CAMSAP1: variants seen among roughly 807,000 people sequenced by gnomAD.
The protein encoded by CAMSAP1 is calmodulin-regulated spectrin-associated protein 1.
Under a neutral mutation model 143.5 loss-of-function variants are expected in CAMSAP1, and 58 were observed. The observed-to-expected ratio is 0.40, with a 90% CI of 0.33 to 0.50. The LOEUF (loss-of-function observed/expected upper bound fraction) is 0.50. CAMSAP1 is among the 20% of genes least tolerant of loss of function. CAMSAP1 has a pLI of 0.45. For synonymous variants in CAMSAP1, 945 were observed against 859.3 expected (o/e 1.10, Z -1.74); for missense variants, 1,969 against 2,115.7 (o/e 0.93, Z 1.36).
chr9:135,850,292 A>T, intron 6 of CAMSAP1, 30 bp downstream of exon 6: 1 of 1,611,602 alleles, frequency 6.2e-7, no homozygotes, highest in Non-Finnish European at 8.5e-7. Flanking sequence ...ACATGGTTTT[A>T]AAACTGCATG....
chr9:135,865,963 G>A (rs1029652876), intron 4 of CAMSAP1, among the ~76,000 whole-genome samples: 2 of 152,210 alleles, frequency 1.3e-5, no homozygotes, highest in African/African-American at 2.4e-5. Flanking sequence ...GTCAGAGGAA[G>A]AAAAAGGCTA....
intron 1 of CAMSAP1, among the ~76,000 whole-genome samples, chr9:135,894,358 G>A (rs1402722262): frequency 6.6e-6 from 1 of 152,188 alleles, no homozygotes; most frequent in Non-Finnish European, 1.5e-5. Context: ...CCATCCGAGG[G>A]GAGGGGCGGA....
At position 135,821,603 on chromosome 9, in the gene CAMSAP1, A is replaced by G. The variant is rs771271439; in HGVS notation, c.3058T>C (p.Cys1020Arg). 1.2e-6 allele frequency: 2 copies of G among 1,614,030 alleles called. No individual in the cohort carries two copies. Among genetic ancestry groups the G allele is most frequent in the Admixed American group, 1.7e-5 (1 of 60,032 alleles). The change falls in exon 11 of 17, where the codon TGT (cysteine) becomes CGT (arginine). Residue 1020 changes from cysteine to arginine, a missense_variant. Cys to Arg is a radical substitution (Grantham distance 180). This residue lies in a region of CAMSAP1 where 1,390 missense variants were observed against 1,420.8 expected (regional missense o/e 0.98). Coordinates refer to ENST00000389532, the MANE Select transcript of CAMSAP1 (RefSeq NM_015447.4). This position sits in a 1 kb window ranked among gnomAD's most constrained non-coding sequence, Gnocchi z 4.6. ...TVGEVVDVNE[C>R]DLSIEKLNET... Reference sequence around the variant, plus strand: ...TTAAGCTTCTCGATGGAAAGGTCACATTCATTCACGTCGACAACCTCCCCA... The same window carrying G: ...TTAAGCTTCTCGATGGAAAGGTCACGTTCATTCACGTCGACAACCTCCCCA...
rs764016880 is a variant in CAMSAP1 at position 135,818,034 on chromosome 9, G to A, written c.4214C>T (p.Ala1405Val). Reference protein sequence around the residue: ...RTQSGSSLSLASAATTEPESV... With the variant: ...RTQSGSSLSLVSAATTEPESV... ...CTCGGGTTCTGTCGTCGCCGCAGAG[G>A]CCAAGGACAGGCTGGAGCCTGACTG... Residue 1405 changes from alanine (A) to valine (V), a missense_variant, in exon 14 of 17, where the codon GCC becomes GTC. Ala to Val is a moderately conservative substitution (Grantham distance 64). Transcript: ENST00000389532. The surrounding 1 kb of genome is among the most constrained non-coding windows in gnomAD (Gnocchi z 7.7). 3.1e-6 allele frequency: 5 copies of A among 1,613,838 alleles called. No homozygotes were observed. Among genetic ancestry groups the A allele is most frequent in the Non-Finnish European group, 4.2e-6 (5 of 1,179,900 alleles).
At position 135,843,187 on chromosome 9, in the gene CAMSAP1, T is replaced by C. The variant is rs1447914735; in HGVS notation, c.1045+6950A>G. On this transcript the variant is annotated intron_variant, in intron 7 of 16. Coordinates refer to ENST00000389532, the MANE Select transcript of CAMSAP1 (RefSeq NM_015447.4). ...TACTAAAAATACAAAATTAGCCAGG[T>C]GTGGTGGCACAGGCCTGTAATCCCA... Among the ~76,000 whole-genome samples, 6 of 151,848 alleles carry C rather than the reference T, an allele frequency of 4.0e-5. No homozygotes were observed. The East Asian group carries it at 1.2e-3, about 30-fold the overall frequency.
chr9:135,822,667 G>T lies in CAMSAP1; in HGVS notation c.1994C>A (p.Thr665Asn), dbSNP rs779089635. Residue 665 changes from threonine to asparagine, a missense_variant, in exon 11 of 17, where the codon ACC (threonine) becomes AAC (asparagine). This residue lies in a region of CAMSAP1 where 1,390 missense variants were observed against 1,420.8 expected (regional missense o/e 0.98). Transcript: ENST00000389532. The surrounding 1 kb of genome is among the most constrained non-coding windows in gnomAD (Gnocchi z 6.1). Reference sequence around the variant, plus strand: ...TTCCACTGACAGTGGTCCTGTCTCGGTGGGGTCGATGCCCATGGGGAATTC... The same window carrying T: ...TTCCACTGACAGTGGTCCTGTCTCGTTGGGGTCGATGCCCATGGGGAATTC... ...CSEFPMGIDP[T>N]ETGPLSVETA... 3.1e-6 allele frequency: 5 copies of T among 1,609,760 alleles called. 1 individual carries two copies. In the South Asian group the frequency reaches 4.4e-5, roughly 14 times the overall value.
At chr9:135,836,762 C>T (rs1836066195) in intron 7 of CAMSAP1, 2 of 980,496 alleles carry the variant, frequency 2.0e-6, no homozygotes, top group Non-Finnish European at 2.4e-6. Flanking sequence ...TTGTCACGTA[C>T]CTTCTACCCT....
chr9:135,885,320 T>C (rs1838088267), intron 1 of CAMSAP1, among the ~76,000 whole-genome samples: 1 of 152,140 alleles, frequency 6.6e-6, no homozygotes, highest in Admixed American at 6.5e-5. Flanking sequence ...GACATCTCCA[T>C]GTAGATGTCT....
chr9:135,821,127 C>T lies in CAMSAP1; in HGVS notation c.3534G>A (p.Arg1178=). 1 of 1,613,404 alleles carries T rather than the reference C, an allele frequency of 6.2e-7. No individual in the cohort carries two copies. Among genetic ancestry groups the T allele is most frequent in the East Asian group, 2.2e-5 (1 of 44,892 alleles). ...CTTTGGAAGAGGACAGAGTAAGTGTCCGCTGATTGCTTTCATCATGGAGCC... is the reference window on the plus strand; with the variant it reads ...CTTTGGAAGAGGACAGAGTAAGTGTTCGCTGATTGCTTTCATCATGGAGCC... ...SYRLHDESNQ[R]TLTLSSSKDA... Residue 1178 remains arginine, a synonymous_variant, in exon 11 of 17, where the codon CGG becomes CGA. Coordinates refer to ENST00000389532, the MANE Select transcript of CAMSAP1 (RefSeq NM_015447.4). The surrounding 1 kb of genome is among the most constrained non-coding windows in gnomAD (Gnocchi z 4.6).
At chr9:135,839,531 A>G (rs1032595804) in intron 7 of CAMSAP1, among the ~76,000 whole-genome samples, 2 of 152,164 alleles carry the variant, frequency 1.3e-5, no homozygotes, top group Admixed American at 6.5e-5. Flanking sequence ...GGAGAGCACA[A>G]TGCAAGATCC....
chr9:135,843,022 C>T (rs972708387), intron 7 of CAMSAP1, among the ~76,000 whole-genome samples: 1 of 152,134 alleles, frequency 6.6e-6, no homozygotes, highest in East Asian at 1.9e-4. Context: ...GGGCTAAATG[C>T]CCCCAGTTAA....
intron 1 of CAMSAP1, among the ~76,000 whole-genome samples, chr9:135,902,710 A>C (rs144137929): frequency 1.3e-5 from 2 of 152,260 alleles, no homozygotes; most frequent in Non-Finnish European, 2.9e-5. Context: ...CCTCACACTG[A>C]TTTCTTATTC....
At chr9:135,893,564 G>A (rs1838355199) in intron 1 of CAMSAP1, among the ~76,000 whole-genome samples, 1 of 152,144 alleles carries the variant, frequency 6.6e-6, no homozygotes, top group South Asian at 2.1e-4. Flanking sequence ...CAATGAGACA[G>A]AAATAACATA....
chr9:135,821,288 G>T lies in CAMSAP1; in HGVS notation c.3373C>A (p.Pro1125Thr). 1 of 1,611,414 alleles carries T rather than the reference G, an allele frequency of 6.2e-7. No homozygotes were observed. Among genetic ancestry groups the T allele is most frequent in the South Asian group, 1.1e-5 (1 of 91,088 alleles). ...AAGTGCGGGAGCGTCTCTACACTGG[G>T]CGTTGGGGTTTTACTTCGGGAGGAG... The part of the protein sequence containing the change: ...QGSSRSKTPT[P>T]SVETLPHLRP... The change falls in exon 11 of 17, where the codon CCC becomes ACC. Residue 1125 changes from proline to threonine, a missense_variant. This residue lies in a region of CAMSAP1 where 1,390 missense variants were observed against 1,420.8 expected (regional missense o/e 0.98). Transcript: ENST00000389532. This position sits in a 1 kb window ranked among gnomAD's most constrained non-coding sequence, Gnocchi z 4.6.
At chr9:135,884,261 G>A (rs1450006224) in intron 1 of CAMSAP1, among the ~76,000 whole-genome samples, 1 of 152,066 alleles carries the variant, frequency 6.6e-6, no homozygotes, top group African/African-American at 2.4e-5. Context: ...ACATTCATGG[G>A]GACACTAACA....
chr9:135,874,488 G>GC (rs912002527), intron 3 of CAMSAP1, among the ~76,000 whole-genome samples: 5 of 147,272 alleles, frequency 3.4e-5, no homozygotes, highest in East Asian at 2.0e-4. Context: ...AGGGGGGGGG[G>GC]GGCCACAGGG....
intron 1 of CAMSAP1, among the ~76,000 whole-genome samples, chr9:135,887,427 G>A (rs1443188719): frequency 6.6e-6 from 1 of 152,158 alleles, no homozygotes; most frequent in Non-Finnish European, 1.5e-5. Flanking sequence ...TGAGAACAGC[G>A]GGAACTGTGC....
intron 3 of CAMSAP1, among the ~76,000 whole-genome samples, chr9:135,869,917 G>A (rs985699402): frequency 1.3e-5 from 2 of 152,186 alleles, no homozygotes; most frequent in Non-Finnish European, 2.9e-5. Context: ...TGTGAAAGAT[G>A]CCAGGCACGG....
In CAMSAP1 at chr9:135,862,603, G is replaced by A. The variant is rs1209798711; in HGVS notation, c.672C>T (p.Arg224=). 17 of 1,551,552 alleles carry A rather than the reference G, an allele frequency of 1.1e-5. No individual in the cohort carries two copies. Among genetic ancestry groups the A allele is most frequent in the Admixed American group, 7.8e-5 (4 of 50,976 alleles). Residue 224 remains arginine, a synonymous_variant, in exon 5 of 17, where the codon CGC becomes CGT. Coordinates refer to ENST00000389532, the MANE Select transcript of CAMSAP1 (RefSeq NM_015447.4). ...LLESPAHQKV[R]YRREHLSARQ... ...TAGCAGAAAGGTGCTCTCGTCGATA[G>A]CGGACCTGTAGTTGATAAAAGGAAA...
Sources: gnomAD v4.1 joint callset for allele counts (sites outside exome capture counted in the v4.1 genomes callset) on GRCh38, gnomAD v4.1.1 for gene constraint, gnomAD v4.1.1 regional missense constraint, Gnocchi (gnomAD v3.1) non-coding constraint, MANE v1.5 for transcripts, NCBI Gene and HGNC (gene_info 2026-07-23, HGNC 2026-07-21) for gene names.